Variants in POR observed in about 807,000 individuals in gnomAD.
The protein encoded by POR is cytochrome p450 oxidoreductase.
In POR, 56 loss-of-function variants were observed where a neutral mutation model predicts 84.0. That is an observed-to-expected ratio of 0.67 (90% CI 0.54 to 0.83). The LOEUF is 0.83. POR is among the 40% of genes least tolerant of loss of function. POR has a pLI of 0.00. For synonymous variants in POR, 414 were observed against 400.5 expected (o/e 1.03, Z -0.40); for missense variants, 938 against 944.3 (o/e 0.99, Z 0.09).
At chr7:75,926,984 C>G (rs1807162555) in intron 1 of POR, among the ~76,000 whole-genome samples, 1 of 152,000 alleles carries the variant, frequency 6.6e-6, no homozygotes, top group Non-Finnish European at 1.5e-5. Flanking sequence ...CAAAATGAAC[C>G]CCAGGTCATT....
chr7:75,974,037 A>G (rs1554556542), intron 3 of POR, among the ~76,000 whole-genome samples: 1 of 152,098 alleles, frequency 6.6e-6, no homozygotes, highest in East Asian at 1.9e-4. Flanking sequence ...AGATCCTTCC[A>G]TATCAATACA....
rs573305790 is a variant in POR at position 75,970,727 on chromosome 7, C to T, written c.189-1686C>T. Among the ~76,000 whole-genome samples, 177 of 149,208 alleles carry T rather than the reference C, an allele frequency of 1.2e-3. 1 individual carries two copies. Among genetic ancestry groups the T allele is most frequent in the African/African-American group, 5.9e-4 (24 of 40,642 alleles). ...TCGTGCCACTGCACTCCAGCCTGGG[C>T]GACAAAGCGAGACTCCATCTCAAAA... On this transcript the variant is annotated intron_variant, in intron 2 of 15. Coordinates refer to ENST00000461988, the MANE Select transcript of POR (RefSeq NM_000941.3).
chr7:75,920,678 T>C (rs1554548696), intron 1 of POR, among the ~76,000 whole-genome samples: 1 of 152,108 alleles, frequency 6.6e-6, no homozygotes, highest in African/African-American at 2.4e-5. Flanking sequence ...ACTTTGATCT[T>C]CGTGGGCATG....
In POR at chr7:75,986,391, T is replaced by G. The variant is rs370865328; in HGVS notation, c.1953T>G (p.Ala651=). Reference sequence around the variant, plus strand: ...AGAACACCTTCTACGACATCGTGGCTGAGCTCGGGGCCATGGAGCACGCGC... The same window carrying G: ...AGAACACCTTCTACGACATCGTGGCGGAGCTCGGGGCCATGGAGCACGCGC... Residue 651 remains alanine (A), a synonymous_variant, in exon 16 of 16, where the codon GCT becomes GCG. Coordinates refer to ENST00000461988, the MANE Select transcript of POR (RefSeq NM_000941.3). The G allele has an allele frequency of 9.4e-5, 152 of 1,612,554 alleles. 1 individual carries two copies. The highest frequency in any genetic ancestry group is 5.4e-4 in the South Asian group (49 of 91,078).
chr7:75,982,114 C>A, intron 7 of POR, 110 bp from the exon 8 acceptor site: 2 of 777,070 alleles, frequency 2.6e-6, no homozygotes, highest in Non-Finnish European at 2.2e-6. Context: ...TCGTATGTAC[C>A]TGGGACCTCA....
chr7:75,935,390 G>A (rs1554550683), intron 1 of POR, among the ~76,000 whole-genome samples: 2 of 152,052 alleles, frequency 1.3e-5, no homozygotes. Flanking sequence ...GGGACTACAG[G>A]CACCCACCAC....
chr7:75,928,582 A>G (rs143489798), intron 1 of POR, among the ~76,000 whole-genome samples: 53 of 152,340 alleles, frequency 3.5e-4, no homozygotes, highest in African/African-American at 1.2e-3. Flanking sequence ...TGGTGGAATG[A>G]CAAGAGAAAA....
chr7:75,925,375 A>G (rs1008579972), intron 1 of POR, among the ~76,000 whole-genome samples: 6 of 152,078 alleles, frequency 3.9e-5, no homozygotes, highest in African/African-American at 1.2e-4. Context: ...CATTTAAAAT[A>G]TTAGCCAGGC....
rs1414093729 is a variant in POR at position 75,985,975 on chromosome 7, G to A, written c.1722G>A (p.Glu574=). The A allele has an allele frequency of 1.9e-6, 3 of 1,584,760 alleles. No individual in the cohort carries two copies. Among genetic ancestry groups the A allele is most frequent in the African/African-American group, 1.3e-5 (1 of 74,480 alleles). Residue 574 remains glutamate (E), a synonymous_variant, in exon 14 of 16, where the codon GAG becomes GAA. Coordinates refer to ENST00000461988, the MANE Select transcript of POR (RefSeq NM_000941.3). ...ACTACGGCTGCCGCCGCTCGGATGA[G>A]GACTACCTGTACCGGGAGGAGCTGG...
In POR at chr7:75,956,679, C is replaced by T. The variant is rs567264213; in HGVS notation, c.188+2499C>T. On this transcript the variant is annotated intron_variant, in intron 2 of 15. Coordinates refer to ENST00000461988, the MANE Select transcript of POR (RefSeq NM_000941.3). ...GCACTATGACGGGCACGATCAGGAC[C>T]ACAGAGCCAGCATTTATGTTAAGCT... 1.4e-3 allele frequency among the ~76,000 whole-genome samples: 209 copies of T among 152,092 alleles called. 2 individuals carry two copies. The highest frequency in any genetic ancestry group is 0.01 in the South Asian group (50 of 4,816).
chr7:75,927,366 G>A (rs546100205), intron 1 of POR, among the ~76,000 whole-genome samples: 1 of 152,112 alleles, frequency 6.6e-6, no homozygotes, highest in East Asian at 1.9e-4. Context: ...GGGGCTTGGT[G>A]GTGGGTGCCT....
intron 1 of POR, among the ~76,000 whole-genome samples, chr7:75,952,083 GCGGGGGGC>G (rs1787450783): frequency 7.2e-6 from 1 of 138,596 alleles, no homozygotes; most frequent in East Asian, 2.2e-4. Context: ...GGCTGGCCGG[GCGGGGGGC>G]TGACCCCCCC....
chr7:75,967,794 T>C (rs1554555500), intron 2 of POR: 1 of 335,760 alleles, frequency 3.0e-6, no homozygotes, highest in Non-Finnish European at 6.0e-6. Flanking sequence ...GTGCAGGGAC[T>C]CATGGGAGGC....
At chr7:75,923,212 A>T (rs1806960051) in intron 1 of POR, 1 of 1,115,688 alleles carries the variant, frequency 9.0e-7, no homozygotes, top group Admixed American at 1.7e-5. Flanking sequence ...CCCTCTGACA[A>T]CACAGTGATT....
At chr7:75,954,615 C>T (rs1432601721) in intron 2 of POR, among the ~76,000 whole-genome samples, 2 of 151,962 alleles carry the variant, frequency 1.3e-5, no homozygotes, top group Non-Finnish European at 2.9e-5. Flanking sequence ...TCAAGGTTCA[C>T]TGTAATCTCC....
chr7:75,915,324 C>G (rs1806494552), intron 1 of POR, 145 bp downstream of exon 1: 1 of 152,434 alleles, frequency 6.6e-6, no homozygotes, highest in Admixed American at 6.5e-5. Context: ...GCGTCTGGCC[C>G]GACGCTCGGG....
chr7:75,919,382 C>CGTGTGTGT (rs56136603), intron 1 of POR, among the ~76,000 whole-genome samples: 197 of 146,526 alleles, frequency 1.3e-3, no homozygotes, highest in African/African-American at 4.0e-3. Flanking sequence ...TCTGTGCGTG[C>CGTGTGTGT]GTGTGTGTGT....
intron 1 of POR, among the ~76,000 whole-genome samples, chr7:75,948,010 G>C (rs1554552323): frequency 6.6e-6 from 1 of 152,162 alleles, no homozygotes; most frequent in African/African-American, 2.4e-5. Flanking sequence ...TCCTTGAGAG[G>C]CCTTCCTTTC....
intron 1 of POR, chr7:75,923,558 T>G: frequency 2.7e-6 from 1 of 369,728 alleles, no homozygotes; most frequent in Non-Finnish European, 5.1e-6. Context: ...TATTTCCTGC[T>G]TTATCTTCAA....
Sources: allele counts gnomAD v4.1 joint callset (sites outside exome capture counted in the v4.1 genomes callset), GRCh38; gene constraint gnomAD v4.1.1; transcripts MANE v1.5; gene names NCBI Gene and HGNC (gene_info 2026-07-23, HGNC 2026-07-21).